Variants in SMYD3 observed in about 807,000 individuals in gnomAD.
SMYD3 encodes histone-lysine N-methyltransferase SMYD3.
SMYD3 carries 36 observed loss-of-function variants against 57.7 expected under a neutral mutation model. That is an observed-to-expected ratio of 0.62 (90% CI 0.48 to 0.82). The LOEUF (loss-of-function observed/expected upper bound fraction) is 0.82, where lower values mean the gene tolerates loss of function less well. Among genes scored for constraint, SMYD3 ranks in the 40% least tolerant of loss-of-function variants. The pLI, the probability that SMYD3 is intolerant of heterozygous loss-of-function variation, is 0.00. For missense variants in SMYD3, 515 were observed against 538.8 expected (o/e 0.96, Z 0.44); for synonymous variants, 211 against 195.0 (o/e 1.08, Z -0.68).
chr1:245,852,569 T>C (rs1231432113), intron 10 of SMYD3, among the ~76,000 whole-genome samples: 1 of 152,182 alleles, frequency 6.6e-6, no homozygotes, highest in East Asian at 1.9e-4. Context: ...GGATTATCCA[T>C]AAAAGTAAAA....
At chr1:246,406,254 T>C (rs1034177493) in intron 1 of SMYD3, among the ~76,000 whole-genome samples, 4 of 152,186 alleles carry the variant, frequency 2.6e-5, no homozygotes, top group South Asian at 2.1e-4. Flanking sequence ...ATCTACCTCA[T>C]AGATTTGTTT....
intron 5 of SMYD3, among the ~76,000 whole-genome samples, chr1:245,986,891 T>C (rs537307312): frequency 4.0e-4 from 61 of 152,370 alleles, no homozygotes; most frequent in African/African-American, 1.5e-3. Context: ...AATAAACATG[T>C]ATTTGAAAAT....
chr1:245,984,909 TCTC>T (rs1442281414), intron 5 of SMYD3, among the ~76,000 whole-genome samples: 3 of 152,026 alleles, frequency 2.0e-5, no homozygotes, highest in Admixed American at 6.5e-5. Flanking sequence ...CCATCCGACT[TCTC>T]CTTGCTCTGT....
chr1:245,761,825 G>A (rs2791377), intron 11 of SMYD3, among the ~76,000 whole-genome samples: 14,756 of 136,296 alleles, frequency 0.11, 2,586 homozygotes, highest in African/African-American at 0.38. Flanking sequence ...TCACTCTGTC[G>A]CCCAGGCTGG....
chr1:246,035,758 A>G (rs758656638), intron 5 of SMYD3, among the ~76,000 whole-genome samples: 10 of 152,202 alleles, frequency 6.6e-5, no homozygotes, highest in South Asian at 6.2e-4. Context: ...TTTCCACTTC[A>G]GGCAAATCTT....
At chr1:245,804,373 G>A (rs1156778631) in intron 10 of SMYD3, among the ~76,000 whole-genome samples, 2 of 152,088 alleles carry the variant, frequency 1.3e-5, no homozygotes, top group African/African-American at 4.8e-5. Flanking sequence ...ACGAAGTCAG[G>A]AGATCCAGAC....
intron 5 of SMYD3, among the ~76,000 whole-genome samples, chr1:246,050,608 T>C (rs951293113): frequency 6.6e-6 from 1 of 151,990 alleles, no homozygotes. Flanking sequence ...AGATGAGAAA[T>C]TAAGGGGTAT....
At position 246,364,306 on chromosome 1, in the gene SMYD3, C is replaced by T. The variant is rs569289342; in HGVS notation, c.165-9212G>A. 4.6e-5 allele frequency among the ~76,000 whole-genome samples: 7 copies of T among 151,302 alleles called. 1 individual carries two copies. Among genetic ancestry groups the T allele is most frequent in the Non-Finnish European group, 8.8e-5 (6 of 67,922 alleles). On this transcript the variant is annotated intron_variant, in intron 1 of 11. Transcript: ENST00000490107. The stretch of plus-strand genomic sequence containing the variant: ...TCACAGTGACAAGGATCAGACGGGA[C>T]TGTGTATAGTTTCAAGGTGGTCAAG...
chr1:246,071,339 G>C (rs914627203), intron 5 of SMYD3, among the ~76,000 whole-genome samples: 6 of 152,106 alleles, frequency 3.9e-5, no homozygotes, highest in African/African-American at 1.4e-4. Context: ...TAGGACGGTG[G>C]GAGAAAACAG....
At chr1:245,901,749 G>A (rs1473756777) in intron 8 of SMYD3, among the ~76,000 whole-genome samples, 1 of 152,164 alleles carries the variant, frequency 6.6e-6, no homozygotes, top group Non-Finnish European at 1.5e-5. Context: ...GACTCTCCAA[G>A]GCACAGAGAA....
Position 246,394,676 on chromosome 1 carries a change from C to T in SMYD3, c.165-39582G>A, listed in dbSNP as rs193094963. 1.1e-4 allele frequency among the ~76,000 whole-genome samples: 16 copies of T among 152,288 alleles called. No homozygotes were observed. The East Asian group carries it at 2.3e-3, about 22-fold the overall frequency. ...TATGCTTTATTATATGAGAGCCTCCCGAACTCAGCTATGCTTTATGATATA... is the reference window on the plus strand; with the variant it reads ...TATGCTTTATTATATGAGAGCCTCCTGAACTCAGCTATGCTTTATGATATA... On this transcript the variant is annotated intron_variant, in intron 1 of 11. Transcript: ENST00000490107.
chr1:245,947,150 A>AT lies in SMYD3; in HGVS notation c.532-17214dup, dbSNP rs377519049. ...GTCAACTAAAATGGATGGCCTTTGA[A>AT]TTTTCCACTCTCCCATTGTCTAACT... On this transcript the variant is annotated intron_variant, in intron 5 of 11. Transcript: ENST00000490107. Among the ~76,000 whole-genome samples, 604 of 152,178 alleles carry AT rather than the reference A, an allele frequency of 4.0e-3. 4 individuals carry two copies. The highest frequency in any genetic ancestry group is 0.014 in the African/African-American group (577 of 41,524).
chr1:245,825,416 G>GCCC (rs1318484423), intron 10 of SMYD3, among the ~76,000 whole-genome samples: 13 of 152,176 alleles, frequency 8.5e-5, no homozygotes. Flanking sequence ...TTGGCAAGCG[G>GCCC]CCCCTCCACC....
intron 10 of SMYD3, among the ~76,000 whole-genome samples, chr1:245,809,606 G>A (rs910155233): frequency 1.3e-5 from 2 of 152,248 alleles, no homozygotes; most frequent in African/African-American, 4.8e-5. Context: ...CGTCAGGAAG[G>A]CATTGTTTAG....
intron 1 of SMYD3, among the ~76,000 whole-genome samples, chr1:246,476,029 A>G (rs1450589457): frequency 6.6e-6 from 1 of 152,226 alleles, no homozygotes; most frequent in Non-Finnish European, 1.5e-5. Context: ...TACAGTTCAG[A>G]AAGATAATGA....
chr1:246,046,471 G>A (rs1358053499), intron 5 of SMYD3, among the ~76,000 whole-genome samples: 3 of 151,938 alleles, frequency 2.0e-5, no homozygotes, highest in Non-Finnish European at 4.4e-5. Context: ...ACCGGGGCCT[G>A]TCATGGGGCG....
intron 5 of SMYD3, among the ~76,000 whole-genome samples, chr1:246,020,420 CA>C (rs1410895999): frequency 3.9e-5 from 6 of 152,172 alleles, no homozygotes; most frequent in African/African-American, 1.2e-4. Flanking sequence ...TCTTAGGTTT[CA>C]AAAGCCTACA....
At chr1:246,177,754 T>A (rs945536493) in intron 5 of SMYD3, among the ~76,000 whole-genome samples, 3 of 152,172 alleles carry the variant, frequency 2.0e-5, no homozygotes, top group Non-Finnish European at 4.4e-5. Flanking sequence ...CATAGAGCTA[T>A]GAGGACAGAG....
intron 10 of SMYD3, among the ~76,000 whole-genome samples, chr1:245,839,160 TTTTTA>T (rs764531683): frequency 1.3e-5 from 2 of 152,154 alleles, no homozygotes; most frequent in African/African-American, 4.8e-5. Flanking sequence ...CAGGCCAGCC[TTTTTA>T]TTTTATTTTA....
Sources: allele counts gnomAD v4.1 joint callset (sites outside exome capture counted in the v4.1 genomes callset), GRCh38; gene constraint gnomAD v4.1.1; transcripts MANE v1.5; gene names NCBI Gene and HGNC (gene_info 2026-07-23, HGNC 2026-07-21).